CRPPA: variants seen among roughly 807,000 people sequenced by gnomAD.
The protein encoded by CRPPA is D-ribitol-5-phosphate cytidylyltransferase.
Under a neutral mutation model 52.0 loss-of-function variants are expected in CRPPA, and 43 were observed. The ratio of observed to expected loss-of-function variants is 0.83; its 90% CI spans 0.65 to 1.07. The LOEUF is 1.07. Among genes scored for constraint, CRPPA ranks in the 50% least tolerant of loss-of-function variants. The pLI, the probability that CRPPA is intolerant of heterozygous loss-of-function variation, is 0.00. For missense variants in CRPPA, 629 were observed against 551.7 expected, an observed-to-expected ratio of 1.14 and a Z score of -1.40; for synonymous variants, 250 against 203.5, an observed-to-expected ratio of 1.23 and a Z score of -1.94.
At chr7:16,195,640 G>A (rs1162697222) in intron 9 of CRPPA, among the ~76,000 whole-genome samples, 4 of 151,942 alleles carry the variant, frequency 2.6e-5, no homozygotes, top group Non-Finnish European at 5.9e-5. Flanking sequence ...CCCATCTCTG[G>A]GGCCAGGCTG....
At chr7:16,382,337 T>C (rs1787117456) in intron 2 of CRPPA, among the ~76,000 whole-genome samples, 1 of 152,248 alleles carries the variant, frequency 6.6e-6, no homozygotes. Context: ...TCTTCTGGCT[T>C]GTAGAGTTTC....
rs373121936 is a variant in CRPPA at position 16,199,250 on chromosome 7, G to T, written c.1251+16816C>A. Among the ~76,000 whole-genome samples, 75 of 152,154 alleles carry T rather than the reference G, an allele frequency of 4.9e-4. 1 individual carries two copies. Among genetic ancestry groups the T allele is most frequent in the African/African-American group, 1.7e-3 (71 of 41,528 alleles). On this transcript the variant is annotated intron_variant, in intron 9 of 9. Coordinates refer to ENST00000407010, the MANE Select transcript of CRPPA (RefSeq NM_001101426.4). ...TACCCCTTCATGCTCCCTTAAAAAT[G>T]ATCAGTCACTTCTGCAAAACTCAGA...
chr7:16,283,413 A>C (rs1784358675), intron 5 of CRPPA, among the ~76,000 whole-genome samples: 1 of 150,378 alleles, frequency 6.6e-6, no homozygotes, highest in South Asian at 2.1e-4. Flanking sequence ...TAGATTCACT[A>C]ATATATCACA....
rs950879825 is a variant in CRPPA, at chr7:16,157,152, T to C, written c.1251+58914A>G. On this transcript the variant is annotated intron_variant, in intron 9 of 9. Coordinates refer to ENST00000407010, the MANE Select transcript of CRPPA (RefSeq NM_001101426.4). Reference sequence around the variant, plus strand: ...AAATATTTATTGTGTTTTTGAGGCATTGGGAAATCTTTCGGAACACAAATG... The same window carrying C: ...AAATATTTATTGTGTTTTTGAGGCACTGGGAAATCTTTCGGAACACAAATG... 9.2e-5 allele frequency among the ~76,000 whole-genome samples: 14 copies of C among 151,404 alleles called. No individual in the cohort carries two copies. In the East Asian group the frequency reaches 2.7e-3, roughly 29 times the overall value.
At chr7:16,389,835 G>C (rs1293906229) in intron 2 of CRPPA, among the ~76,000 whole-genome samples, 2 of 145,508 alleles carry the variant, frequency 1.4e-5, no homozygotes, top group East Asian at 4.1e-4. Flanking sequence ...CCTGTATATA[G>C]AAGACACTAA....
At chr7:16,404,836 G>A (rs1402898126) in intron 2 of CRPPA, among the ~76,000 whole-genome samples, 1 of 152,086 alleles carries the variant, frequency 6.6e-6, no homozygotes, top group Non-Finnish European at 1.5e-5. Context: ...GAGTCAAGGG[G>A]GAAGCACAAG....
chr7:16,130,987 G>A (rs1782670752), intron 9 of CRPPA, among the ~76,000 whole-genome samples: 1 of 152,184 alleles, frequency 6.6e-6, no homozygotes, highest in Non-Finnish European at 1.5e-5. Flanking sequence ...GTATGAACCA[G>A]GAGGCAGGCC....
intron 9 of CRPPA, among the ~76,000 whole-genome samples, chr7:16,196,381 AT>A (rs1415646589): frequency 6.6e-6 from 1 of 152,148 alleles, no homozygotes; most frequent in African/African-American, 2.4e-5. Flanking sequence ...GCTCAAAAAA[AT>A]ATATGTCTTC....
At chr7:16,375,405 T>C (rs557398479) in intron 3 of CRPPA, among the ~76,000 whole-genome samples, 23 of 152,334 alleles carry the variant, frequency 1.5e-4, no homozygotes, top group African/African-American at 5.1e-4. Context: ...TAAAATTATG[T>C]AAGTACAGCA....
At chr7:16,162,368 T>C (rs1780920442) in intron 9 of CRPPA, among the ~76,000 whole-genome samples, 1 of 152,224 alleles carries the variant, frequency 6.6e-6, no homozygotes, top group South Asian at 2.1e-4. Context: ...GATATTCTAG[T>C]ATGTTGTGTC....
chr7:16,366,864 C>T (rs907001485), intron 3 of CRPPA, among the ~76,000 whole-genome samples: 6 of 151,326 alleles, frequency 4.0e-5, no homozygotes, highest in Non-Finnish European at 8.8e-5. Flanking sequence ...AAACACTTTC[C>T]AAGTCCATCA....
chr7:16,192,284 T>C (rs1186270242), intron 9 of CRPPA, among the ~76,000 whole-genome samples: 1 of 152,072 alleles, frequency 6.6e-6, no homozygotes, highest in African/African-American at 2.4e-5. Flanking sequence ...ATTCTATTGG[T>C]TCTGTGTCTC....
At chr7:16,179,723 G>C (rs1781373762) in intron 9 of CRPPA, among the ~76,000 whole-genome samples, 1 of 152,160 alleles carries the variant, frequency 6.6e-6, no homozygotes, top group Admixed American at 6.6e-5. Context: ...AAGCCACTGG[G>C]TTTGTGGCAA....
intron 3 of CRPPA, among the ~76,000 whole-genome samples, chr7:16,356,779 G>A (rs1786306521): frequency 6.6e-6 from 1 of 151,838 alleles, no homozygotes; most frequent in Non-Finnish European, 1.5e-5. Context: ...CAACATCTGG[G>A]TCCTTTTCTA....
intron 3 of CRPPA, among the ~76,000 whole-genome samples, chr7:16,361,687 G>A (rs1181925316): frequency 6.6e-6 from 1 of 152,184 alleles, no homozygotes; most frequent in Non-Finnish European, 1.5e-5. Context: ...GAGCTGGGAG[G>A]GAGGGGAAGA....
chr7:16,336,114 A>G (rs995809031), intron 3 of CRPPA, among the ~76,000 whole-genome samples: 3 of 152,200 alleles, frequency 2.0e-5, no homozygotes, highest in Admixed American at 6.5e-5. Flanking sequence ...GAAATTGCTA[A>G]AGGAAGTTTA....
At chr7:16,329,443 G>T (rs776768052) in intron 3 of CRPPA, among the ~76,000 whole-genome samples, 1 of 152,204 alleles carries the variant, frequency 6.6e-6, no homozygotes, top group Non-Finnish European at 1.5e-5. Context: ...ATCTGGTAAT[G>T]TATTATCTGT....
intron 3 of CRPPA, among the ~76,000 whole-genome samples, chr7:16,357,537 T>C (rs1223959602): frequency 1.3e-5 from 2 of 152,142 alleles, no homozygotes; most frequent in Non-Finnish European, 2.9e-5. Flanking sequence ...TCCACTATTC[T>C]AGGATATCCC....
Position 16,103,428 on chromosome 7 carries a change from A to G in CRPPA, c.1252-11629T>C, listed in dbSNP as rs533580599. Among the ~76,000 whole-genome samples, 280 of 152,328 alleles carry G rather than the reference A, an allele frequency of 1.8e-3. 1 individual carries two copies. The highest frequency in any genetic ancestry group is 3.1e-3 in the Non-Finnish European group (212 of 68,028). On this transcript the variant is annotated intron_variant, in intron 9 of 9. Transcript: ENST00000407010. Reference sequence around the variant, plus strand: ...TGTAACAAACCTCAACATTCTGCACATGTATCCCAGAACTTAAAGTATAAT... The same window carrying G: ...TGTAACAAACCTCAACATTCTGCACGTGTATCCCAGAACTTAAAGTATAAT...
Sources: gnomAD v4.1 joint callset for allele counts (sites outside exome capture counted in the v4.1 genomes callset) on GRCh38, gnomAD v4.1.1 for gene constraint, MANE v1.5 for transcripts, NCBI Gene and HGNC (gene_info 2026-07-23, HGNC 2026-07-21) for gene names.